ABCC1: variants seen among roughly 807,000 people sequenced by gnomAD.
ABCC1 encodes multidrug resistance-associated protein 1.
In ABCC1, 83 loss-of-function variants were observed where a neutral mutation model predicts 172.9. The ratio of observed to expected loss-of-function variants is 0.48; its 90% CI spans 0.40 to 0.58. ABCC1 has a LOEUF of 0.58. ABCC1 is among the 20% of genes least tolerant of loss of function. The probability of loss-of-function intolerance (pLI) is 0.00; values close to 1 mark genes in which losing one functional copy is unlikely to be tolerated. For synonymous variants in ABCC1, 937 were observed against 825.2 expected (o/e 1.14, Z -2.32); for missense variants, 1,817 against 2,002.7 (o/e 0.91, Z 1.77).
At chr16:16,069,442 T>C (rs1185484541) in intron 13 of ABCC1, among the ~76,000 whole-genome samples, 2 of 151,954 alleles carry the variant, frequency 1.3e-5, no homozygotes, top group African/African-American at 2.4e-5. Flanking sequence ...ATTCCTGCCA[T>C]TGACTGTGTA....
Position 16,141,253 on chromosome 16 carries a change from G to A in ABCC1, c.4568G>A (p.Ser1523Asn). Residue 1523 changes from serine to asparagine, a missense_variant, in exon 31 of 31, where the codon AGC becomes AAC. Physicochemically the swap from Ser to Asn is conservative, Grantham distance 46 (BLOSUM62 1). This residue lies in a region of ABCC1 where 1,412 missense variants were observed against 1,600.3 expected (regional missense o/e 0.88). Transcript: ENST00000399410. ...CTGCAGCAGAGAGGTCTTTTCTACAGCATGGCCAAAGACGCCGGCTTGGTG... is the reference window on the plus strand; with the variant it reads ...CTGCAGCAGAGAGGTCTTTTCTACAACATGGCCAAAGACGCCGGCTTGGTG... ...DLLQQRGLFY[S>N]MAKDAGLV 6.2e-7 allele frequency: 1 copy of A among 1,614,058 alleles called. No homozygotes were observed. The highest frequency in any genetic ancestry group is 8.5e-7 in the Non-Finnish European group (1 of 1,180,024).
At chr16:16,058,369 G>A (rs1017097855) in intron 12 of ABCC1, among the ~76,000 whole-genome samples, 1 of 152,078 alleles carries the variant, frequency 6.6e-6, no homozygotes, top group African/African-American at 2.4e-5. Context: ...GGTCAGGTTG[G>A]CAAATTATAT....
chr16:16,042,667 C>T (rs147618911), intron 7 of ABCC1, among the ~76,000 whole-genome samples: 43 of 150,192 alleles, frequency 2.9e-4, no homozygotes, highest in African/African-American at 9.8e-4. Flanking sequence ...CGCACCATTG[C>T]ACTCCAGCCT....
chr16:16,032,060 G>A lies in ABCC1; in HGVS notation c.616-1049G>A, dbSNP rs564042144. On this transcript the variant is annotated intron_variant, in intron 5 of 30. Coordinates refer to ENST00000399410, the MANE Select transcript of ABCC1 (RefSeq NM_004996.4). ...GGCTGTAGTGCAGTCGTTCGATCATGGCTCACTGCAACCTCCGCCTCCTGG... is the reference window on the plus strand; with the variant it reads ...GGCTGTAGTGCAGTCGTTCGATCATAGCTCACTGCAACCTCCGCCTCCTGG... Among the ~76,000 whole-genome samples, 667 of 152,174 alleles carry A rather than the reference G, an allele frequency of 4.4e-3. 2 individuals are homozygous for A. Among genetic ancestry groups the A allele is most frequent in the Non-Finnish European group, 7.6e-3 (518 of 68,010 alleles).
chr16:16,132,510 G>GGTTTTTTTTTTTTT (rs1277380301), intron 27 of ABCC1, among the ~76,000 whole-genome samples: 1 of 37,298 alleles, frequency 2.7e-5, no homozygotes, highest in Non-Finnish European at 5.0e-5. Context: ...TTGGTTGGTT[G>GGTTTTTTTTTTTTT]TTTTTTTTTT....
rs748301592 is a variant in ABCC1 at position 16,134,394 on chromosome 16, C to T, written c.4011C>T (p.Thr1337=). The T allele has an allele frequency of 9.4e-5, 151 of 1,614,088 alleles. 1 individual carries two copies. The South Asian group carries it at 1.6e-3, about 17-fold the overall frequency. ...CGGGAGCTGGGAAGTCGTCCCTGAC[C>T]CTGGGCTTATTTCGGATCAACGAGT... ...GRTGAGKSSL[T]LGLFRINESA... Residue 1337 remains threonine, a synonymous_variant, in exon 28 of 31, where the codon ACC becomes ACT. Coordinates refer to ENST00000399410, the MANE Select transcript of ABCC1 (RefSeq NM_004996.4).
Position 16,007,990 on chromosome 16 carries a change from A to G in ABCC1, c.223A>G (p.Thr75Ala). The change falls in exon 2 of 31, where the codon ACT becomes GCT. Residue 75 changes from threonine (T) to alanine (A), a missense_variant and splice_region_variant. By Grantham distance (58) the Thr-to-Ala change is moderately conservative. Transcript: ENST00000399410. ...IQMTPLNKTK[T>A]ALGFLLWIVC... ...GATGACACCTCTCAACAAAACCAAA[A>G]CTGTAAGTCACTGGGGGGTTTCGTT... 1.4e-6 allele frequency: 1 copy of G among 705,052 alleles called. No homozygotes were observed. Among genetic ancestry groups the G allele is most frequent in the Non-Finnish European group, 2.2e-6 (1 of 460,082 alleles). 43.7% of individuals were successfully genotyped at this position (705,052 alleles called of 1,614,324 possible).
In ABCC1 at chr16:16,115,046, G is replaced by A. The variant is rs748005412; in HGVS notation, c.3360G>A (p.Pro1120=). Residue 1120 remains proline, a synonymous_variant, in exon 23 of 31, where the codon CCG becomes CCA. Transcript: ENST00000399410. ...LATPIAAIII[P]PLGLIYFFVQ... ...CGCCCATCGCCGCCATCATCATCCC[G>A]CCCCTTGGCCTCATCTACTTCTTCG... 66 of 1,613,884 alleles carry A rather than the reference G, an allele frequency of 4.1e-5. No homozygotes were observed. The highest frequency in any genetic ancestry group is 1.2e-4 in the South Asian group (11 of 91,076).
At chr16:16,105,979 C>T (rs926165427) in intron 20 of ABCC1, among the ~76,000 whole-genome samples, 2 of 150,214 alleles carry the variant, frequency 1.3e-5, no homozygotes, top group South Asian at 2.1e-4. Context: ...GGGATTCAAG[C>T]GATTCTCCTG....
intron 1 of ABCC1, among the ~76,000 whole-genome samples, chr16:15,971,965 G>A (rs932551240): frequency 9.2e-5 from 14 of 152,138 alleles, no homozygotes; most frequent in Non-Finnish European, 2.1e-4. Context: ...GGGCTCCAAA[G>A]CTGAGAGACG....
At chr16:16,023,013 A>G (rs1016722470) in intron 5 of ABCC1, among the ~76,000 whole-genome samples, 22 of 152,154 alleles carry the variant, frequency 1.4e-4, no homozygotes, top group African/African-American at 3.9e-4. Flanking sequence ...CTGGGCTCCA[A>G]TGATCTTCCC....
At chr16:16,061,756 TTTTTTTTC>T (rs987408540) in intron 12 of ABCC1, among the ~76,000 whole-genome samples, 5 of 150,076 alleles carry the variant, frequency 3.3e-5, no homozygotes, top group South Asian at 2.1e-4. Context: ...CAAAATGGCT[TTTTTTTTC>T]TTTTTTTCTT....
In ABCC1 at chr16:16,129,525, TG is replaced by T. The variant is rs1243701399; in HGVS notation, c.3820-2260del. On this transcript the variant is annotated intron_variant, in intron 26 of 30. Transcript: ENST00000399410. ...TACTTTTTGTTGTTGGCGGTGGTGG[TG>T]GGGTTTTTTTTTGTTTTTTTTTTTT... Among the ~76,000 whole-genome samples, 903 of 149,626 alleles carry T rather than the reference TG, an allele frequency of 6.0e-3. 9 individuals are homozygous for T. The highest frequency in any genetic ancestry group is 0.021 in the African/African-American group (877 of 40,846).
rs138121189 is a variant in ABCC1, at chr16:15,966,304, C to T, written c.48+16505C>T. On this transcript the variant is annotated intron_variant, in intron 1 of 30. Coordinates refer to ENST00000399410, the MANE Select transcript of ABCC1 (RefSeq NM_004996.4). ...GCAGGCACCTGTAATCTCAGTTACT[C>T]GGGAGGCTGAGGCGGGAGAATTGCT... 9.7e-3 allele frequency among the ~76,000 whole-genome samples: 1,468 copies of T among 151,320 alleles called. 25 individuals are homozygous for T. The highest frequency in any genetic ancestry group is 0.034 in the African/African-American group (1,402 of 41,174).
At chr16:16,043,243 T>TTTTTTTTTAC (rs1021835519) in intron 7 of ABCC1, among the ~76,000 whole-genome samples, 1 of 140,870 alleles carries the variant, frequency 7.1e-6, no homozygotes. Context: ...TTTTTTTTTT[T>TTTTTTTTTAC]CCACTGATGT....
At chr16:16,066,423 C>T (rs889252096) in intron 12 of ABCC1, among the ~76,000 whole-genome samples, 21 of 151,596 alleles carry the variant, frequency 1.4e-4, no homozygotes, top group Non-Finnish European at 2.9e-5. Flanking sequence ...TCAAGTGATC[C>T]GCCCGCCTCA....
At chr16:15,970,959 C>G (rs1050986256) in intron 1 of ABCC1, among the ~76,000 whole-genome samples, 21 of 152,192 alleles carry the variant, frequency 1.4e-4, no homozygotes, top group African/African-American at 5.1e-4. Flanking sequence ...CTAATCACTT[C>G]TAGTCTGCCT....
Position 16,048,397 on chromosome 16 carries a change from G to A in ABCC1, c.1380+94G>A. On this transcript the variant is annotated intron_variant, in intron 10 of 30. Coordinates refer to ENST00000399410, the MANE Select transcript of ABCC1 (RefSeq NM_004996.4). The stretch of plus-strand genomic sequence containing the variant: ...GAGTGGGTGTTGATGGTAATGGCAT[G>A]TAGAGCTCCCTGGCAGTTCCGGCTG... The A allele has an allele frequency of 3.5e-6, 5 of 1,426,948 alleles. No homozygotes were observed. The South Asian group carries it at 6.3e-5, about 18-fold the overall frequency. The allele number at this position is 1,426,948 out of a possible 1,614,324, so 88.4% of individuals were successfully genotyped here. A position where few individuals can be genotyped will look rare whatever the true frequency, so the allele number is the denominator to read the frequency against.
At chr16:15,966,409 TAA>T (rs34914361) in intron 1 of ABCC1, among the ~76,000 whole-genome samples, 6 of 138,890 alleles carry the variant, frequency 4.3e-5, no homozygotes, top group Admixed American at 1.4e-4. Flanking sequence ...GACTTTATCT[TAA>T]AAAAAAAAAA....
Sources: gnomAD v4.1 joint callset for allele counts (sites outside exome capture counted in the v4.1 genomes callset) on GRCh38, gnomAD v4.1.1 for gene constraint, gnomAD v4.1.1 regional missense constraint, MANE v1.5 for transcripts, NCBI Gene and HGNC (gene_info 2026-07-23, HGNC 2026-07-21) for gene names.